The following WWOX variants were observed in gnomAD, a reference collection of about 807,000 sequenced individuals.
WWOX encodes WW domain-containing oxidoreductase.
WWOX carries 69 observed loss-of-function variants against 46.2 expected under a neutral mutation model. The observed-to-expected ratio is 1.49, with a 90% CI of 1.23 to 1.82. WWOX has a LOEUF of 1.82. Ranked by LOEUF, WWOX falls within the 40% of genes most tolerant of loss-of-function variation. The probability of loss-of-function intolerance (pLI) is 0.00; values close to 1 mark genes in which losing one functional copy is unlikely to be tolerated. For missense variants in WWOX, 919 were observed against 542.6 expected, an observed-to-expected ratio of 1.69 and a Z score of -6.89; for synonymous variants, 359 against 202.6, an observed-to-expected ratio of 1.77 and a Z score of -6.56.
intron 5 of WWOX, among the ~76,000 whole-genome samples, chr16:78,265,626 T>A (rs1246740518): frequency 1.8e-4 from 27 of 150,890 alleles, no homozygotes; most frequent in Non-Finnish European, 3.2e-4. Context: ...TGCAGTCAGC[T>A]GAGATTGTGC....
chr16:78,991,451 A>G (rs1224863142), intron 8 of WWOX, among the ~76,000 whole-genome samples: 1 of 151,998 alleles, frequency 6.6e-6, no homozygotes, highest in South Asian at 2.1e-4. Context: ...AAAATTAAAA[A>G]TTAGCTGGGT....
At chr16:78,971,735 C>T in intron 8 of WWOX, among the ~76,000 whole-genome samples, 1 of 149,688 alleles carries the variant, frequency 6.7e-6, no homozygotes, top group Admixed American at 6.6e-5. Context: ...TCCCCACCCT[C>T]TGCCGCCCTG....
intron 8 of WWOX, among the ~76,000 whole-genome samples, chr16:78,643,197 C>G (rs1309549243): frequency 6.6e-6 from 1 of 152,170 alleles, no homozygotes; most frequent in African/African-American, 2.4e-5. Flanking sequence ...GTCTTGCCCT[C>G]TTAATGTCTA....
intron 8 of WWOX, among the ~76,000 whole-genome samples, chr16:78,810,702 A>G (rs941513936): frequency 3.3e-5 from 5 of 152,212 alleles, no homozygotes; most frequent in African/African-American, 1.2e-4. Flanking sequence ...CATAGTATCA[A>G]GGGTGGAAGA....
intron 8 of WWOX, among the ~76,000 whole-genome samples, chr16:78,924,775 C>G (rs1371379498): frequency 6.6e-6 from 1 of 152,164 alleles, no homozygotes; most frequent in Non-Finnish European, 1.5e-5. Context: ...TTAAGTATTT[C>G]TGTAATACCT....
chr16:78,761,413 G>C (rs771431764), intron 8 of WWOX, among the ~76,000 whole-genome samples: 2 of 152,116 alleles, frequency 1.3e-5, no homozygotes, highest in Non-Finnish European at 2.9e-5. Context: ...TTGTTTACCT[G>C]TTTAGTGCCC....
chr16:79,164,810 G>C (rs1304691207), intron 8 of WWOX, among the ~76,000 whole-genome samples: 1 of 152,068 alleles, frequency 6.6e-6, no homozygotes, highest in Non-Finnish European at 1.5e-5. Context: ...GGGATTCAGG[G>C]CCCTTTGTCA....
chr16:78,607,732 T>C (rs2045796379), intron 8 of WWOX, among the ~76,000 whole-genome samples: 1 of 151,912 alleles, frequency 6.6e-6, no homozygotes, highest in Non-Finnish European at 1.5e-5. Context: ...GTGTTTGTTT[T>C]GGTCAAGGGC....
chr16:78,453,205 C>A lies in WWOX; in HGVS notation c.1056+20453C>A, dbSNP rs563428642. Among the ~76,000 whole-genome samples the A allele has an allele frequency of 2.6e-5, 4 of 152,106 alleles. No homozygotes were observed. The South Asian group carries it at 8.3e-4, about 32-fold the overall frequency. On this transcript the variant is annotated intron_variant, in intron 8 of 8. Transcript: ENST00000566780. ...TTGGGAGGCTGAGGTGGGAGGATTA[C>A]CTAAGGTCAGGAGTTTGATAATAGC... is the stretch of plus-strand genomic sequence containing the variant.
intron 5 of WWOX, among the ~76,000 whole-genome samples, chr16:78,354,885 A>C (rs1216408825): frequency 6.6e-6 from 1 of 152,124 alleles, no homozygotes; most frequent in Admixed American, 6.6e-5. Context: ...TATAATCCCA[A>C]CACTTTTGGA....
intron 8 of WWOX, among the ~76,000 whole-genome samples, chr16:78,735,264 CT>C (rs955058125): frequency 6.6e-6 from 1 of 152,050 alleles, no homozygotes; most frequent in African/African-American, 2.4e-5. Context: ...CACATCAGTT[CT>C]CCTGGCTCTC....
intron 8 of WWOX, among the ~76,000 whole-genome samples, chr16:78,786,881 C>T (rs113386606): frequency 0.046 from 7,044 of 152,312 alleles, 231 homozygotes; most frequent in East Asian, 0.094. Flanking sequence ...GGCGTGGTGA[C>T]TCACGCCTGT....
In WWOX at chr16:78,342,551, T is replaced by A. The variant is rs1364196204; in HGVS notation, c.517-44309T>A. On this transcript the variant is annotated intron_variant, in intron 5 of 8. Coordinates refer to ENST00000566780, the MANE Select transcript of WWOX (RefSeq NM_016373.4). ...TATGTAATTATGAGGGAGGCTGAGA[T>A]GTGAGAAGCACATGGGTGTTGGGAG... Among the ~76,000 whole-genome samples, 4 of 120,308 alleles carry A rather than the reference T, an allele frequency of 3.3e-5. 1 individual carries two copies. Among genetic ancestry groups the A allele is most frequent in the Non-Finnish European group, 7.9e-5 (4 of 50,378 alleles). The allele number at this position is 120,308 out of a possible 152,430, so 78.9% of individuals were successfully genotyped here.
chr16:78,367,029 G>C (rs1243632627), intron 5 of WWOX, among the ~76,000 whole-genome samples: 1 of 142,142 alleles, frequency 7.0e-6, no homozygotes, highest in African/African-American at 2.6e-5. Flanking sequence ...GCCCAGGCTG[G>C]AGTGCAGTGG....
At chr16:78,249,523 A>G (rs1224016946) in intron 5 of WWOX, among the ~76,000 whole-genome samples, 1 of 152,234 alleles carries the variant, frequency 6.6e-6, no homozygotes. Flanking sequence ...CTCTGAGGGC[A>G]GAAACATTTT....
rs114647406 is a variant in WWOX at position 79,164,130 on chromosome 16, C to G, written c.1057-47478C>G. On this transcript the variant is annotated intron_variant, in intron 8 of 8. Coordinates refer to ENST00000566780, the MANE Select transcript of WWOX (RefSeq NM_016373.4). ...ACTTTATGGCCCAGAAACAAGGCTA[C>G]AAAAACTTTAATACTGCTTTTTATT... Among the ~76,000 whole-genome samples the G allele has an allele frequency of 5.1e-3, 780 of 152,308 alleles. 2 individuals carry two copies. The highest frequency in any genetic ancestry group is 0.018 in the African/African-American group (751 of 41,572).
At chr16:78,962,290 C>T (rs1348107540) in intron 8 of WWOX, among the ~76,000 whole-genome samples, 1 of 119,302 alleles carries the variant, frequency 8.4e-6, no homozygotes, top group East Asian at 2.9e-4. Context: ...GATTTGGAGT[C>T]AGCAAGGCAT....
rs143333282 is a variant in WWOX, at chr16:78,809,041, C to T, written c.1056+376289C>T. Among the ~76,000 whole-genome samples the T allele has an allele frequency of 3.1e-3, 470 of 152,082 alleles. 3 individuals are homozygous for T. The highest frequency in any genetic ancestry group is 0.011 in the African/African-American group (444 of 41,496). ...GCCTCACAGGTTGCAGGCTTCATAC[C>T]AACTGCAGCTAATGAGCTATGGGCC... is the stretch of plus-strand genomic sequence containing the variant. On this transcript the variant is annotated intron_variant, in intron 8 of 8. Coordinates refer to ENST00000566780, the MANE Select transcript of WWOX (RefSeq NM_016373.4).
rs190634004 is a variant in WWOX at position 79,121,653 on chromosome 16, T to A, written c.1057-89955T>A. 7.5e-3 allele frequency among the ~76,000 whole-genome samples: 1,138 copies of A among 152,190 alleles called. 13 individuals are homozygous for A. The highest frequency in any genetic ancestry group is 0.025 in the South Asian group (119 of 4,808). On this transcript the variant is annotated intron_variant, in intron 8 of 8. Transcript: ENST00000566780. ...CATGGAGTCCAAAAGGTGGGAGGTG[T>A]GTTTTGGGGCATGCGCCAAGGGAAG...
Sources: gnomAD v4.1 joint callset for allele counts (sites outside exome capture counted in the v4.1 genomes callset) on GRCh38, gnomAD v4.1.1 for gene constraint, MANE v1.5 for transcripts, NCBI Gene and HGNC (gene_info 2026-07-23, HGNC 2026-07-21) for gene names.